The following CTNNA1 variants were observed in gnomAD, a reference collection of about 807,000 sequenced individuals.
CTNNA1 encodes the protein catenin alpha-1.
A neutral mutation model predicts 98.4 loss-of-function variants in CTNNA1; 37 were observed. The ratio of observed to expected loss-of-function variants is 0.38; its 90% CI spans 0.29 to 0.49. The LOEUF is 0.49. CTNNA1 is among the 20% of genes least tolerant of loss of function. The probability of loss-of-function intolerance (pLI) is 0.95; values close to 1 mark genes in which losing one functional copy is unlikely to be tolerated. For synonymous variants in CTNNA1, 404 were observed against 413.2 expected (o/e 0.98, Z 0.27); for missense variants, 761 against 1,147.2 (o/e 0.66, Z 4.86).
intron 3 of CTNNA1, among the ~76,000 whole-genome samples, chr5:138,789,677 C>G (rs1020582915): frequency 6.6e-6 from 1 of 152,148 alleles, no homozygotes; most frequent in African/African-American, 2.4e-5. Context: ...AGGCTGGTCT[C>G]AAACTCCTGA....
At chr5:138,768,043 T>G (rs759013079) in intron 1 of CTNNA1, among the ~76,000 whole-genome samples, 2 of 152,240 alleles carry the variant, frequency 1.3e-5, no homozygotes, top group Non-Finnish European at 2.9e-5. Context: ...ATATTCAGAT[T>G]CAGATTCTCA....
At chr5:138,871,065 G>A (rs535270242) in intron 7 of CTNNA1, 1 of 152,208 alleles carries the variant, frequency 6.6e-6, no homozygotes, top group East Asian at 1.9e-4. Flanking sequence ...GTTAGGTGAA[G>A]GGTACTAAGG....
At position 138,924,415 on chromosome 5, in the gene CTNNA1, C is replaced by T. The variant is rs1166766311; in HGVS notation, c.1547-95C>T. The T allele has an allele frequency of 1.4e-5, 18 of 1,256,306 alleles. No homozygotes were observed. In the South Asian group the frequency reaches 1.5e-4, roughly 11 times the overall value. The allele number at this position is 1,256,306 out of a possible 1,614,324, so 77.8% of individuals were successfully genotyped here. A position where few individuals can be genotyped will look rare whatever the true frequency, so the allele number is the denominator to read the frequency against. On this transcript the variant is annotated intron_variant, in intron 11 of 17. Coordinates refer to ENST00000302763, the MANE Select transcript of CTNNA1 (RefSeq NM_001903.5). ...GTAAAACTTTCAGCACTGTGGCTGG[C>T]ACCAAGCAAACAATAAATGATAGAT... is the stretch of plus-strand genomic sequence containing the variant.
At chr5:138,791,728 G>A (rs1319743458) in intron 3 of CTNNA1, among the ~76,000 whole-genome samples, 2 of 146,564 alleles carry the variant, frequency 1.4e-5, no homozygotes, top group African/African-American at 5.0e-5. Flanking sequence ...AAGCATCTGG[G>A]TAATCTTAGT....
intron 7 of CTNNA1, among the ~76,000 whole-genome samples, chr5:138,883,535 T>C (rs997893378): frequency 2.0e-5 from 3 of 152,246 alleles, no homozygotes; most frequent in Non-Finnish European, 2.9e-5. Context: ...TGACTGTAAT[T>C]CTTTCAAAAG....
chr5:138,883,105 T>A (rs1326230924), intron 7 of CTNNA1, among the ~76,000 whole-genome samples: 11 of 152,004 alleles, frequency 7.2e-5, no homozygotes, highest in Non-Finnish European at 1.6e-4. Flanking sequence ...GATCTCAGGC[T>A]GTCCACCCGC....
intron 10 of CTNNA1, 111 bp from the exon 11 acceptor site, chr5:138,917,631 T>C (rs1762062783): frequency 1.9e-6 from 2 of 1,052,702 alleles, no homozygotes; most frequent in African/African-American, 3.2e-5. Context: ...CCCTTCATCT[T>C]TGTGATAGTT....
Position 138,827,533 on chromosome 5 carries a change from C to T in CTNNA1, c.877C>T (p.Pro293Ser), listed in dbSNP as rs2149785455. Residue 293 changes from proline to serine, a missense_variant, in exon 7 of 18, where the codon CCC (proline) becomes TCC (serine). Coordinates refer to ENST00000302763, the MANE Select transcript of CTNNA1 (RefSeq NM_001903.5). ...NNFDKQIIVDPLSFSEERFRP... is the reference protein window; with the variant it reads ...NNFDKQIIVDSLSFSEERFRP... ...TCTGCAGAAACAAATCATTGTGGAC[C>T]CCTTGAGCTTCAGCGAGGAGCGCTT... is the stretch of plus-strand genomic sequence containing the variant. 1 of 1,614,180 alleles carries T rather than the reference C, an allele frequency of 6.2e-7. No homozygotes were observed. Among genetic ancestry groups the T allele is most frequent in the Non-Finnish European group, 8.5e-7 (1 of 1,180,040 alleles).
intron 3 of CTNNA1, among the ~76,000 whole-genome samples, chr5:138,785,744 A>G (rs1374964670): frequency 2.0e-5 from 3 of 151,984 alleles, no homozygotes; most frequent in Non-Finnish European, 4.4e-5. Context: ...TATTTTTAGT[A>G]TAGTATAGTG....
At chr5:138,782,654 A>G (rs1755247214) in intron 2 of CTNNA1, among the ~76,000 whole-genome samples, 1 of 152,226 alleles carries the variant, frequency 6.6e-6, no homozygotes, top group African/African-American at 2.4e-5. Flanking sequence ...GTAATGTTCT[A>G]AGACATAAAG....
intron 1 of CTNNA1, among the ~76,000 whole-genome samples, chr5:138,768,291 G>A (rs1753153298): frequency 6.6e-6 from 1 of 152,026 alleles, no homozygotes; most frequent in East Asian, 1.9e-4. Context: ...ATCGAGTCTC[G>A]CTCTGTCACC....
At chr5:138,812,409 A>G (rs958346750) in intron 5 of CTNNA1, 107 bp downstream of exon 5, 1 of 1,229,032 alleles carries the variant, frequency 8.1e-7, no homozygotes, top group Non-Finnish European at 1.1e-6. Context: ...CTTCGCCAAT[A>G]TAGTTCCATT....
At chr5:138,851,293 T>C (rs1373665469) in intron 7 of CTNNA1, among the ~76,000 whole-genome samples, 1 of 152,192 alleles carries the variant, frequency 6.6e-6, no homozygotes, top group African/African-American at 2.4e-5. Flanking sequence ...TCTGCAGGGC[T>C]TCTGGGGCCC....
At chr5:138,897,525 C>T (rs1757142454) in intron 9 of CTNNA1, among the ~76,000 whole-genome samples, 1 of 152,016 alleles carries the variant, frequency 6.6e-6, no homozygotes, top group Non-Finnish European at 1.5e-5. Context: ...CCTGTGACAT[C>T]TTGGGTATTT....
chr5:138,783,398 A>G, intron 3 of CTNNA1, 26 bp downstream of exon 3: 1 of 1,582,082 alleles, frequency 6.3e-7, no homozygotes, highest in Middle Eastern at 1.7e-4. Context: ...TTTTTAGGTA[A>G]AGAGAGGCAG....
intron 9 of CTNNA1, among the ~76,000 whole-genome samples, chr5:138,896,232 TTTA>T (rs753467906): frequency 6.7e-4 from 102 of 152,172 alleles, no homozygotes; most frequent in Admixed American, 1.5e-3. Flanking sequence ...CTATTGGATC[TTTA>T]TTATTTTTTG....
chr5:138,862,940 A>T (rs1395933867), intron 7 of CTNNA1, among the ~76,000 whole-genome samples: 1 of 152,236 alleles, frequency 6.6e-6, no homozygotes, highest in East Asian at 1.9e-4. Flanking sequence ...AAAAATAATA[A>T]AACAGTTTTG....
chr5:138,820,821 C>T (rs1199706714), intron 5 of CTNNA1, among the ~76,000 whole-genome samples: 1 of 152,166 alleles, frequency 6.6e-6, no homozygotes, highest in Non-Finnish European at 1.5e-5. Context: ...AACATAAACT[C>T]ATTTAATCTT....
chr5:138,881,152 C>T, intron 7 of CTNNA1: 1 of 455,298 alleles, frequency 2.2e-6, no homozygotes, highest in South Asian at 1.6e-5. Context: ...GACTGTCCTC[C>T]TTGAGAGCTC....
Sources: allele counts gnomAD v4.1 joint callset (sites outside exome capture counted in the v4.1 genomes callset), GRCh38; gene constraint gnomAD v4.1.1; transcripts MANE v1.5; gene names NCBI Gene and HGNC (gene_info 2026-07-23, HGNC 2026-07-21).